Variants in NTSR1 observed in about 807,000 individuals in gnomAD.
NTSR1 encodes the protein neurotensin receptor type 1.
A neutral mutation model predicts 31.2 loss-of-function variants in NTSR1; 29 were observed. That is an observed-to-expected ratio of 0.93 (90% CI 0.69 to 1.27). The LOEUF is 1.27. Among genes scored for constraint, NTSR1 ranks in the 50% most tolerant of loss-of-function variants. The pLI, the probability that NTSR1 is intolerant of heterozygous loss-of-function variation, is 0.00. For synonymous variants in NTSR1, 282 were observed against 269.9 expected (o/e 1.04, Z -0.44); for missense variants, 697 against 595.4 (o/e 1.17, Z -1.78).
In NTSR1 at chr20:62,708,869, GGCGCTGTCCTCGGGGGCCTGGGGAACC is replaced by G; in HGVS notation, c.-334_-308del. 3.7e-6 allele frequency: 1 copy of G among 273,668 alleles called. No homozygotes were observed. Among genetic ancestry groups the G allele is most frequent in the Non-Finnish European group, 6.8e-6 (1 of 147,284 alleles). The allele number at this position is 273,668 out of a possible 1,614,324, so 17.0% of individuals were successfully genotyped here. On this transcript the variant is annotated 5_prime_UTR_variant, in exon 1 of 4. Coordinates refer to ENST00000370501, the MANE Select transcript of NTSR1 (RefSeq NM_002531.3). This position sits in a 1 kb window ranked among gnomAD's most constrained non-coding sequence, Gnocchi z 5.9. ...GCCCCGCGCAGCCCGAGCCGGGCTG[GGCGCTGTCCTCGGGGGCCTGGGGAACC>G]GCGCGGTTTGGAGATCGGAGGCACC...
intron 1 of NTSR1, among the ~76,000 whole-genome samples, chr20:62,734,776 G>A (rs529276435): frequency 2.0e-5 from 3 of 152,384 alleles, no homozygotes; most frequent in East Asian, 3.9e-4. Flanking sequence ...TAATACCGTT[G>A]CAAGTTGATA....
rs1323621985 is a variant in NTSR1 at position 62,761,794 on chromosome 20, G to C, written c.*1527G>C. 1 of 152,220 alleles carries C rather than the reference G, an allele frequency of 6.6e-6. No individual in the cohort carries two copies. The highest frequency in any genetic ancestry group is 2.4e-5 in the African/African-American group (1 of 41,460). 9.4% of individuals were successfully genotyped at this position (152,220 alleles called of 1,614,324 possible). Reference sequence around the variant, plus strand: ...AATGCTACAGTATCTGCAGTCGCTTGGATCTGGCTGTTGAGTTGACGGGTT... The same window carrying C: ...AATGCTACAGTATCTGCAGTCGCTTCGATCTGGCTGTTGAGTTGACGGGTT... On this transcript the variant is annotated 3_prime_UTR_variant, in exon 4 of 4. Transcript: ENST00000370501.
intron 1 of NTSR1, among the ~76,000 whole-genome samples, chr20:62,747,171 G>A (rs1195107046): frequency 1.3e-5 from 2 of 152,202 alleles, no homozygotes; most frequent in African/African-American, 4.8e-5. Context: ...TACAGAAAAA[G>A]CATTTGACAA....
intron 1 of NTSR1, among the ~76,000 whole-genome samples, chr20:62,718,215 A>G (rs1250927948): frequency 6.6e-6 from 1 of 152,154 alleles, no homozygotes; most frequent in Non-Finnish European, 1.5e-5. Context: ...GATTCTGAGC[A>G]GAGCCGCCAC....
chr20:62,722,231 C>T (rs1157592446), intron 1 of NTSR1, among the ~76,000 whole-genome samples: 1 of 152,098 alleles, frequency 6.6e-6, no homozygotes, highest in Non-Finnish European at 1.5e-5. Flanking sequence ...ACGGAAAGCC[C>T]AAGGCATTTT....
chr20:62,728,521 A>G (rs1209235360), intron 1 of NTSR1, among the ~76,000 whole-genome samples: 1 of 152,118 alleles, frequency 6.6e-6, no homozygotes, highest in Non-Finnish European at 1.5e-5. Context: ...GCAGAAGTTC[A>G]TTTCTTAACA....
chr20:62,726,289 C>T (rs746462628), intron 1 of NTSR1, among the ~76,000 whole-genome samples: 2 of 152,236 alleles, frequency 1.3e-5, no homozygotes, highest in Non-Finnish European at 2.9e-5. Flanking sequence ...GAGGCTCCAG[C>T]CTCCAAGAGC....
intron 1 of NTSR1, among the ~76,000 whole-genome samples, chr20:62,730,608 G>A (rs1201859763): frequency 1.3e-5 from 2 of 152,210 alleles, no homozygotes; most frequent in East Asian, 1.9e-4. Context: ...GCCAAGGAGG[G>A]CGATCGTTGG....
intron 1 of NTSR1, among the ~76,000 whole-genome samples, chr20:62,749,258 G>A (rs561540299): frequency 2.0e-5 from 3 of 152,234 alleles, no homozygotes; most frequent in South Asian, 4.1e-4. Context: ...TGGCTAACAC[G>A]GTGAAACCCC....
In NTSR1 at chr20:62,709,806, C is replaced by A. The variant is rs982594978; in HGVS notation, c.599C>A (p.Ala200Glu). The A allele has an allele frequency of 1.9e-6, 3 of 1,612,672 alleles. No homozygotes were observed. The highest frequency in any genetic ancestry group is 3.3e-5 in the Admixed American group (2 of 59,996). The change falls in exon 1 of 4, where the codon GCG becomes GAG. Residue 200 changes from alanine to glutamate, a missense_variant. Ala to Glu is a moderately radical substitution (Grantham distance 107). Coordinates refer to ENST00000370501, the MANE Select transcript of NTSR1 (RefSeq NM_002531.3). ...ATCTGGCTCGCCTCGGCCCTGCTGGCGGTGCCTATGCTGTTCACCATGGGC... is the reference window on the plus strand; with the variant it reads ...ATCTGGCTCGCCTCGGCCCTGCTGGAGGTGCCTATGCTGTTCACCATGGGC... ...SAIWLASALL[A>E]VPMLFTMGEQ...
Position 62,733,557 on chromosome 20 carries a change from T to C in NTSR1, c.715-21128T>C, listed in dbSNP as rs1989036309. 6.6e-6 allele frequency among the ~76,000 whole-genome samples: 1 copy of C among 152,040 alleles called. No individual in the cohort carries two copies. Among genetic ancestry groups the C allele is most frequent in the Admixed American group, 6.5e-5 (1 of 15,274 alleles). On this transcript the variant is annotated intron_variant, in intron 1 of 3. Transcript: ENST00000370501. This position sits in a 1 kb window ranked among gnomAD's most constrained non-coding sequence, Gnocchi z 5.2. Reference sequence around the variant, plus strand: ...TCCTGGCTTAGGGCTCAGGCCTGTCTCACCTAGCAATGCAGGGTGAGCCAT... The same window carrying C: ...TCCTGGCTTAGGGCTCAGGCCTGTCCCACCTAGCAATGCAGGGTGAGCCAT...
chr20:62,716,458 C>T (rs568899219), intron 1 of NTSR1, among the ~76,000 whole-genome samples: 3 of 85,312 alleles, frequency 3.5e-5, no homozygotes, highest in East Asian at 1.1e-3. Flanking sequence ...TCTGGGGTGA[C>T]GGAAATGTTC....
At chr20:62,720,247 C>A (rs941132724) in intron 1 of NTSR1, among the ~76,000 whole-genome samples, 1 of 152,170 alleles carries the variant, frequency 6.6e-6, no homozygotes, top group African/African-American at 2.4e-5. Flanking sequence ...TTGCAATGAA[C>A]CGAGATCACG....
Position 62,709,809 on chromosome 20 carries a change from T to C in NTSR1, c.602T>C (p.Val201Ala). 3 of 1,612,694 alleles carry C rather than the reference T, an allele frequency of 1.9e-6. No individual in the cohort carries two copies. Among genetic ancestry groups the C allele is most frequent in the Non-Finnish European group, 2.5e-6 (3 of 1,179,874 alleles). Residue 201 changes from valine (V) to alanine (A), a missense_variant, in exon 1 of 4, where the codon GTG becomes GCG. Val to Ala is a moderately conservative substitution (Grantham distance 64, BLOSUM62 0). Transcript: ENST00000370501. Reference sequence around the variant, plus strand: ...TGGCTCGCCTCGGCCCTGCTGGCGGTGCCTATGCTGTTCACCATGGGCGAG... The same window carrying C: ...TGGCTCGCCTCGGCCCTGCTGGCGGCGCCTATGCTGTTCACCATGGGCGAG... ...AIWLASALLA[V>A]PMLFTMGEQN... is the part of the protein sequence containing the mutation.
intron 1 of NTSR1, among the ~76,000 whole-genome samples, chr20:62,753,615 C>T (rs1182906160): frequency 6.6e-6 from 1 of 152,242 alleles, no homozygotes; most frequent in Non-Finnish European, 1.5e-5. Context: ...CCGTCCCCGG[C>T]ACAGGATCGA....
intron 1 of NTSR1, 108 bp downstream of exon 1, chr20:62,710,029 T>A: frequency 1.0e-6 from 1 of 980,210 alleles, no homozygotes; most frequent in Non-Finnish European, 1.5e-6. Context: ...AGAGACAGTC[T>A]ACTCCTGCGA....
At chr20:62,748,621 C>T (rs531076497) in intron 1 of NTSR1, among the ~76,000 whole-genome samples, 21 of 152,272 alleles carry the variant, frequency 1.4e-4, no homozygotes, top group East Asian at 7.7e-4. Flanking sequence ...AACCCACTTT[C>T]GTACAGTCAA....
chr20:62,734,315 A>AAG (rs1199863482), intron 1 of NTSR1, among the ~76,000 whole-genome samples: 1 of 151,462 alleles, frequency 6.6e-6, no homozygotes, highest in Non-Finnish European at 1.5e-5. Flanking sequence ...AAAAAAAAAA[A>AAG]TCTTGGCTCA....
chr20:62,731,118 C>G (rs561068020), intron 1 of NTSR1, among the ~76,000 whole-genome samples: 1 of 152,058 alleles, frequency 6.6e-6, no homozygotes, highest in African/African-American at 2.4e-5. Flanking sequence ...GAGTTTCGCT[C>G]TTGTTGCCCA....
Sources: gnomAD v4.1 joint callset for allele counts (sites outside exome capture counted in the v4.1 genomes callset) on GRCh38, gnomAD v4.1.1 for gene constraint, Gnocchi (gnomAD v3.1) non-coding constraint, MANE v1.5 for transcripts, NCBI Gene and HGNC (gene_info 2026-07-23, HGNC 2026-07-21) for gene names.